TTLL5: variants seen among roughly 807,000 people sequenced by gnomAD.
The protein encoded by TTLL5 is tubulin polyglutamylase TTLL5.
TTLL5 carries 132 observed loss-of-function variants against 168.4 expected under a neutral mutation model. The ratio of observed to expected loss-of-function variants is 0.78; its 90% CI spans 0.68 to 0.91. TTLL5 has a LOEUF of 0.91. Ranked by LOEUF, TTLL5 falls within the 40% of genes least tolerant of loss-of-function variation. The pLI, the probability that TTLL5 is intolerant of heterozygous loss-of-function variation, is 0.00. For synonymous variants in TTLL5, 546 were observed against 558.6 expected (o/e 0.98, Z 0.32); for missense variants, 1,545 against 1,581.5 (o/e 0.98, Z 0.39).
intron 28 of TTLL5, among the ~76,000 whole-genome samples, chr14:75,840,474 G>A (rs113456359): frequency 1.1e-3 from 160 of 151,636 alleles, no homozygotes; most frequent in African/African-American, 3.7e-3. Context: ...ACTTAGGAGT[G>A]AGAACATGCG....
intron 24 of TTLL5, 31 bp from the exon 25 acceptor site, chr14:75,782,456 G>A: frequency 6.4e-7 from 1 of 1,564,368 alleles, no homozygotes; most frequent in Non-Finnish European, 8.8e-7. Context: ...TTGATTATAA[G>A]AGAGTCCAAG....
At chr14:75,751,871 G>A (rs1296904631) in intron 17 of TTLL5, among the ~76,000 whole-genome samples, 2 of 152,160 alleles carry the variant, frequency 1.3e-5, no homozygotes, top group African/African-American at 4.8e-5. Context: ...TAAAAGAATG[G>A]CTGCTCCATA....
chr14:75,698,143 G>GT (rs1886001086), intron 6 of TTLL5, among the ~76,000 whole-genome samples: 1 of 152,220 alleles, frequency 6.6e-6, no homozygotes, highest in Non-Finnish European at 1.5e-5. Flanking sequence ...AGTCTGGGAT[G>GT]TGAGAATCAG....
chr14:75,693,549 T>C (rs1456720456), intron 6 of TTLL5, among the ~76,000 whole-genome samples: 2 of 152,242 alleles, frequency 1.3e-5, no homozygotes, highest in African/African-American at 4.8e-5. Flanking sequence ...GGCACACTGG[T>C]CTATCTAGGC....
intron 28 of TTLL5, among the ~76,000 whole-genome samples, chr14:75,857,418 T>TAGAC (rs55908634): frequency 6.6e-6 from 1 of 151,668 alleles, no homozygotes; most frequent in Non-Finnish European, 1.5e-5. Flanking sequence ...GATAGATAGA[T>TAGAC]TTTATTAGCT....
At chr14:75,697,737 T>A (rs995528506) in intron 6 of TTLL5, among the ~76,000 whole-genome samples, 9 of 152,200 alleles carry the variant, frequency 5.9e-5, no homozygotes, top group African/African-American at 2.2e-4. Flanking sequence ...CTCCAGTATC[T>A]GAAAGTCTTG....
chr14:75,904,243 A>T (rs941045755), intron 31 of TTLL5: 1 of 1,174,544 alleles, frequency 8.5e-7, no homozygotes, highest in Non-Finnish European at 1.1e-6. Flanking sequence ...TTACTAGAAC[A>T]TGGTAGTTAA....
At chr14:75,798,723 A>C (rs1314167468) in intron 27 of TTLL5, among the ~76,000 whole-genome samples, 1 of 152,106 alleles carries the variant, frequency 6.6e-6, no homozygotes, top group Non-Finnish European at 1.5e-5. Flanking sequence ...TTGTTGACCC[A>C]ATGACCATTC....
At chr14:75,856,626 T>C (rs891039689) in intron 28 of TTLL5, among the ~76,000 whole-genome samples, 2 of 13,368 alleles carry the variant, frequency 1.5e-4, no homozygotes, top group Non-Finnish European at 2.1e-4. Context: ...GTTGTATTGC[T>C]TTTTTTTTTT....
chr14:75,899,594 T>C (rs2032828430), intron 30 of TTLL5, among the ~76,000 whole-genome samples: 1 of 152,216 alleles, frequency 6.6e-6, no homozygotes, highest in African/African-American at 2.4e-5. Flanking sequence ...GGGGACTCTA[T>C]GCTAGAAGCA....
intron 2 of TTLL5, among the ~76,000 whole-genome samples, chr14:75,667,775 T>TTTTTTTTTTTTTTTTTTTC: frequency 6.7e-6 from 1 of 148,604 alleles, no homozygotes. Context: ...TTTTTTTTTT[T>TTTTTTTTTTTTTTTTTTTC]TATTGAGACG....
At chr14:75,906,250 C>T (rs1001904820) in intron 31 of TTLL5, among the ~76,000 whole-genome samples, 48 of 152,200 alleles carry the variant, frequency 3.2e-4, no homozygotes, top group African/African-American at 1.1e-3. Flanking sequence ...GATTCTTACT[C>T]TTTTCACCAC....
At chr14:75,812,668 A>G (rs1566614875) in intron 27 of TTLL5, among the ~76,000 whole-genome samples, 1 of 152,154 alleles carries the variant, frequency 6.6e-6, no homozygotes, top group Non-Finnish European at 1.5e-5. Flanking sequence ...ACCCCATCAA[A>G]GGCATTTCTG....
intron 30 of TTLL5, among the ~76,000 whole-genome samples, chr14:75,892,490 A>G (rs374564426): frequency 6.6e-6 from 1 of 152,202 alleles, no homozygotes; most frequent in African/African-American, 2.4e-5. Context: ...AACCTGGGAC[A>G]GTTTCCCCCC....
chr14:75,798,235 G>T (rs912766200), intron 27 of TTLL5, among the ~76,000 whole-genome samples: 1 of 152,026 alleles, frequency 6.6e-6, no homozygotes, highest in Non-Finnish European at 1.5e-5. Flanking sequence ...GCACGTAAAG[G>T]TGTTCATAGT....
chr14:75,922,831 A>G (rs2033875738), intron 31 of TTLL5, among the ~76,000 whole-genome samples: 1 of 152,188 alleles, frequency 6.6e-6, no homozygotes, highest in Admixed American at 6.5e-5. Context: ...TACCTCTGGT[A>G]GAATTCGGCT....
chr14:75,822,531 A>C (rs1894887828), intron 28 of TTLL5, among the ~76,000 whole-genome samples: 1 of 152,196 alleles, frequency 6.6e-6, no homozygotes, highest in Non-Finnish European at 1.5e-5. Context: ...AACTGTAATA[A>C]AATGTAAAGA....
chr14:75,720,071 T>G (rs1248961603), intron 11 of TTLL5, among the ~76,000 whole-genome samples: 1 of 152,212 alleles, frequency 6.6e-6, no homozygotes, highest in Non-Finnish European at 1.5e-5. Flanking sequence ...GAATTTACCC[T>G]TCTTGAATGT....
At chr14:75,868,986 G>T (rs911263929) in intron 29 of TTLL5, among the ~76,000 whole-genome samples, 3 of 150,264 alleles carry the variant, frequency 2.0e-5, no homozygotes, top group Non-Finnish European at 3.0e-5. Context: ...AGAGAGGAAG[G>T]TTGGACTGGG....
Sources: allele counts gnomAD v4.1 joint callset (sites outside exome capture counted in the v4.1 genomes callset), GRCh38; gene constraint gnomAD v4.1.1; transcripts MANE v1.5; gene names NCBI Gene and HGNC (gene_info 2026-07-23, HGNC 2026-07-21).